Variants in ASTN2 observed in about 807,000 individuals in gnomAD.
ASTN2 encodes the protein astrotactin-2.
Under a neutral mutation model 139.8 loss-of-function variants are expected in ASTN2, and 54 were observed. The ratio of observed to expected loss-of-function variants is 0.39; its 90% confidence interval spans 0.31 to 0.48. The LOEUF is 0.48. ASTN2 is among the 20% of genes least tolerant of loss of function. The probability of loss-of-function intolerance (pLI) is 0.95; values close to 1 mark genes in which losing one functional copy is unlikely to be tolerated. For missense variants in ASTN2, 1,565 were observed against 1,725.1 expected (o/e 0.91, Z 1.64); for synonymous variants, 756 against 719.5 (o/e 1.05, Z -0.81).
chr9:116,881,344 G>A (rs1833445757), intron 10 of ASTN2, among the ~76,000 whole-genome samples: 1 of 152,196 alleles, frequency 6.6e-6, no homozygotes, highest in Admixed American at 6.5e-5. Flanking sequence ...TGGAGCCCTA[G>A]TAGGAATGCA....
chr9:116,785,472 C>T (rs910995128), intron 13 of ASTN2, among the ~76,000 whole-genome samples: 3 of 152,122 alleles, frequency 2.0e-5, no homozygotes, highest in African/African-American at 7.2e-5. Context: ...ATGATGAGTG[C>T]CTGGGGTTCC....
intron 2 of ASTN2, among the ~76,000 whole-genome samples, chr9:117,245,229 G>A (rs1183610374): frequency 1.3e-5 from 2 of 152,220 alleles, no homozygotes; most frequent in Non-Finnish European, 2.9e-5. Flanking sequence ...GATGTGCCCA[G>A]TGCTACGATT....
At chr9:116,591,248 C>T (rs1251482305) in intron 19 of ASTN2, among the ~76,000 whole-genome samples, 1 of 152,204 alleles carries the variant, frequency 6.6e-6, no homozygotes, top group Admixed American at 6.5e-5. Flanking sequence ...CACCATGTTC[C>T]CTGGTGCCAG....
chr9:116,962,592 C>G (rs1669461700), intron 10 of ASTN2, among the ~76,000 whole-genome samples: 1 of 152,248 alleles, frequency 6.6e-6, no homozygotes, highest in African/African-American at 2.4e-5. Context: ...GACATTTGTT[C>G]ACATATTAAC....
At chr9:116,686,387 T>C (rs779215839) in intron 16 of ASTN2, among the ~76,000 whole-genome samples, 6 of 152,178 alleles carry the variant, frequency 3.9e-5, no homozygotes, top group Non-Finnish European at 8.8e-5. Flanking sequence ...TAGTCATTGT[T>C]TTTGTTTATT....
intron 2 of ASTN2, among the ~76,000 whole-genome samples, chr9:117,268,156 T>C (rs1833978561): frequency 6.6e-6 from 1 of 152,154 alleles, no homozygotes; most frequent in Admixed American, 6.5e-5. Context: ...ACTGTTATTT[T>C]CCTCTTTCCC....
intron 20 of ASTN2, among the ~76,000 whole-genome samples, chr9:116,483,114 G>A (rs1166951087): frequency 6.6e-6 from 1 of 152,362 alleles, no homozygotes; most frequent in African/African-American, 2.4e-5. Context: ...CATTGGCCCT[G>A]AGTGGAGACT....
chr9:117,161,015 T>C (rs1016048822), intron 3 of ASTN2, among the ~76,000 whole-genome samples: 1 of 152,064 alleles, frequency 6.6e-6, no homozygotes, highest in African/African-American at 2.4e-5. Flanking sequence ...GATGACATTT[T>C]CTGAGCTGTG....
intron 19 of ASTN2, among the ~76,000 whole-genome samples, chr9:116,506,302 A>C (rs921117548): frequency 6.6e-6 from 1 of 152,206 alleles, no homozygotes; most frequent in African/African-American, 2.4e-5. Context: ...AATTTTCTAA[A>C]GTCCTTCAGC....
intron 2 of ASTN2, among the ~76,000 whole-genome samples, chr9:117,248,956 A>C (rs768497789): frequency 6.6e-6 from 1 of 152,194 alleles, no homozygotes. Flanking sequence ...TCCAGGCCTC[A>C]ATTTCCACAT....
At chr9:116,863,544 C>T (rs1832947053) in intron 11 of ASTN2, 39 bp downstream of exon 11, 1 of 1,606,636 alleles carries the variant, frequency 6.2e-7, no homozygotes, top group East Asian at 2.2e-5. Flanking sequence ...GCCTTAGCCC[C>T]TGGGCCACTG....
intron 3 of ASTN2, among the ~76,000 whole-genome samples, chr9:117,154,399 G>A (rs1229105246): frequency 6.6e-6 from 1 of 151,958 alleles, no homozygotes; most frequent in Non-Finnish European, 1.5e-5. Context: ...TAACATTTGG[G>A]GTGTAGCAGA....
intron 5 of ASTN2, among the ~76,000 whole-genome samples, chr9:117,044,218 A>T (rs1211464761): frequency 6.6e-6 from 1 of 152,224 alleles, no homozygotes; most frequent in Non-Finnish European, 1.5e-5. Flanking sequence ...GAACTCAATT[A>T]TTCTTATAGA....
At position 117,144,005 on chromosome 9, in the gene ASTN2, T is replaced by A. The variant is rs547588372; in HGVS notation, c.1016-2527A>T. Reference sequence around the variant, plus strand: ...TTGGAGCCTTAACTCCCAGTGTGACTGTATTTGGAGGTGAGGGTTTTAGCA... The same window carrying A: ...TTGGAGCCTTAACTCCCAGTGTGACAGTATTTGGAGGTGAGGGTTTTAGCA... On this transcript the variant is annotated intron_variant, in intron 3 of 22. Transcript: ENST00000313400. Among the ~76,000 whole-genome samples the A allele has an allele frequency of 3.9e-5, 6 of 152,308 alleles. No homozygotes were observed. In the South Asian group the frequency reaches 6.2e-4, roughly 16 times the overall value.
intron 19 of ASTN2, among the ~76,000 whole-genome samples, chr9:116,565,476 G>A (rs902669338): frequency 1.4e-5 from 2 of 141,736 alleles, no homozygotes; most frequent in African/African-American, 5.3e-5. Flanking sequence ...CACCCAGGCT[G>A]GAGTGCAGTA....
chr9:116,759,969 T>C (rs528717216), intron 13 of ASTN2, among the ~76,000 whole-genome samples: 19 of 152,160 alleles, frequency 1.2e-4, no homozygotes, highest in Non-Finnish European at 2.1e-4. Context: ...ATATGATCTT[T>C]CTCTTGCAGG....
chr9:116,881,506 A>T (rs768710037), intron 10 of ASTN2, among the ~76,000 whole-genome samples: 5 of 152,236 alleles, frequency 3.3e-5, no homozygotes, highest in Admixed American at 6.5e-5. Context: ...TCAAATGGAG[A>T]CTATAGCACC....
intron 16 of ASTN2, among the ~76,000 whole-genome samples, chr9:116,718,966 G>GTATATATATATATATATA (rs1219672903): frequency 1.9e-4 from 6 of 31,818 alleles, no homozygotes; most frequent in African/African-American, 7.5e-4. Context: ...ATCTATACCT[G>GTATATATATATATATATA]TATCTGTACA....
chr9:116,695,465 T>G (rs1392038612), intron 16 of ASTN2, among the ~76,000 whole-genome samples: 1 of 152,228 alleles, frequency 6.6e-6, no homozygotes, highest in Admixed American at 6.5e-5. Context: ...AAAGCTAATA[T>G]GGTAGAAATT....
Sources: gnomAD v4.1 joint callset for allele counts (sites outside exome capture counted in the v4.1 genomes callset) on GRCh38, gnomAD v4.1.1 for gene constraint, MANE v1.5 for transcripts, NCBI Gene and HGNC (gene_info 2026-07-23, HGNC 2026-07-21) for gene names.